PTPRD: variants seen among roughly 807,000 people sequenced by gnomAD.
The protein encoded by PTPRD is receptor-type tyrosine-protein phosphatase delta.
PTPRD carries 34 observed loss-of-function variants against 214.5 expected under a neutral mutation model. That is an observed-to-expected ratio of 0.16 (90% CI 0.12 to 0.21). The LOEUF is 0.21. Among genes scored for constraint, PTPRD ranks in the 10% least tolerant of loss-of-function variants. The pLI, the probability that PTPRD is intolerant of heterozygous loss-of-function variation, is 1.00. For missense variants in PTPRD, 2,545 were observed against 2,398.7 expected, an observed-to-expected ratio of 1.06 and a Z score of -1.27; for synonymous variants, 1,128 against 845.7, an observed-to-expected ratio of 1.33 and a Z score of -5.79.
chr9:8,530,833 T>TGCA (rs1326351070), intron 14 of PTPRD, among the ~76,000 whole-genome samples: 2 of 152,168 alleles, frequency 1.3e-5, no homozygotes, highest in African/African-American at 4.8e-5. Context: ...ACTGAACAGA[T>TGCA]GCAGTTATTG....
chr9:9,765,917 C>T (rs1481368956), intron 6 of PTPRD, among the ~76,000 whole-genome samples: 1 of 152,194 alleles, frequency 6.6e-6, no homozygotes, highest in Non-Finnish European at 1.5e-5. Context: ...CCGCCTCAGC[C>T]TCCCAAAGTG....
chr9:9,486,399 A>G (rs1359331813), intron 8 of PTPRD, among the ~76,000 whole-genome samples: 1 of 152,070 alleles, frequency 6.6e-6, no homozygotes, highest in Non-Finnish European at 1.5e-5. Context: ...ATGGACTTTA[A>G]CAAAAAAACA....
intron 11 of PTPRD, among the ~76,000 whole-genome samples, chr9:8,992,650 C>T (rs936093006): frequency 6.6e-6 from 1 of 152,160 alleles, no homozygotes; most frequent in African/African-American, 2.4e-5. Flanking sequence ...GAGTCTTGAA[C>T]AAACTGTGCT....
chr9:10,504,935 G>A (rs916186093), intron 2 of PTPRD, among the ~76,000 whole-genome samples: 3 of 152,144 alleles, frequency 2.0e-5, no homozygotes, highest in African/African-American at 7.2e-5. Flanking sequence ...CTATAAAGCT[G>A]ACTTGTAACA....
chr9:8,606,500 T>A (rs1228938557), intron 14 of PTPRD, among the ~76,000 whole-genome samples: 1 of 152,148 alleles, frequency 6.6e-6, no homozygotes, highest in Non-Finnish European at 1.5e-5. Context: ...CCATATGATG[T>A]ATAAAAGAGA....
intron 9 of PTPRD, among the ~76,000 whole-genome samples, chr9:9,242,268 G>T (rs1466810066): frequency 3.9e-5 from 6 of 152,094 alleles, no homozygotes; most frequent in Non-Finnish European, 8.8e-5. Context: ...CTCTCTGGCT[G>T]CCCTTAACAT....
chr9:9,805,454 A>G (rs566980215), intron 5 of PTPRD, among the ~76,000 whole-genome samples: 100 of 152,316 alleles, frequency 6.6e-4, no homozygotes, highest in African/African-American at 2.3e-3. Flanking sequence ...TTATTCCTAG[A>G]TCAACTCTGT....
chr9:10,158,211 G>A (rs538949082), intron 3 of PTPRD, among the ~76,000 whole-genome samples: 168 of 152,094 alleles, frequency 1.1e-3, no homozygotes, highest in Non-Finnish European at 2.1e-3. Context: ...GTTTCACCAT[G>A]TTGGCCAGGC....
At chr9:9,908,168 T>C (rs1270957682) in intron 5 of PTPRD, among the ~76,000 whole-genome samples, 1 of 151,828 alleles carries the variant, frequency 6.6e-6, no homozygotes, top group Non-Finnish European at 1.5e-5. Flanking sequence ...CCATGGAGAT[T>C]GAAAGAAGAT....
At chr9:8,659,925 TAGAGAG>T (rs148879043) in intron 12 of PTPRD, among the ~76,000 whole-genome samples, 6 of 150,592 alleles carry the variant, frequency 4.0e-5, no homozygotes, top group African/African-American at 1.2e-4. Flanking sequence ...AGAATAAATG[TAGAGAG>T]AGAGAGAGAG....
intron 10 of PTPRD, among the ~76,000 whole-genome samples, chr9:9,097,809 T>G (rs924822601): frequency 5.9e-5 from 9 of 152,026 alleles, no homozygotes; most frequent in African/African-American, 1.9e-4. Context: ...ACGAACTATT[T>G]TTCACGGATG....
intron 4 of PTPRD, among the ~76,000 whole-genome samples, chr9:9,962,580 T>A (rs2094438077): frequency 6.6e-6 from 1 of 152,092 alleles, no homozygotes; most frequent in Non-Finnish European, 1.5e-5. Flanking sequence ...CGTTGCCCTT[T>A]TTTTCTACAA....
intron 8 of PTPRD, among the ~76,000 whole-genome samples, chr9:9,533,210 G>A (rs927589162): frequency 6.6e-6 from 1 of 152,092 alleles, no homozygotes; most frequent in African/African-American, 2.4e-5. Flanking sequence ...ACAGTCCATA[G>A]ATATCAAACC....
chr9:10,397,131 G>A (rs2098185775), intron 2 of PTPRD, among the ~76,000 whole-genome samples: 1 of 151,854 alleles, frequency 6.6e-6, no homozygotes, highest in Non-Finnish European at 1.5e-5. Flanking sequence ...TATCTCTCTC[G>A]AAAAGGCAAC....
chr9:9,843,896 C>A (rs895303856), intron 5 of PTPRD, among the ~76,000 whole-genome samples: 5 of 151,910 alleles, frequency 3.3e-5, no homozygotes, highest in African/African-American at 1.2e-4. Context: ...TCGAATAGAC[C>A]ATGACAACAT....
At chr9:9,783,958 T>G (rs2098892063) in intron 5 of PTPRD, among the ~76,000 whole-genome samples, 2 of 151,968 alleles carry the variant, frequency 1.3e-5, no homozygotes, top group Admixed American at 1.3e-4. Context: ...GCAAATCCAT[T>G]AGTGATTTTA....
At chr9:9,125,464 C>T (rs968312490) in intron 10 of PTPRD, among the ~76,000 whole-genome samples, 4 of 152,166 alleles carry the variant, frequency 2.6e-5, no homozygotes, top group Non-Finnish European at 1.5e-5. Context: ...GCTTACCTCT[C>T]GGTTAGCATT....
intron 3 of PTPRD, among the ~76,000 whole-genome samples, chr9:10,133,650 AAAT>A (rs1329031487): frequency 6.6e-6 from 1 of 152,154 alleles, no homozygotes; most frequent in East Asian, 1.9e-4. Context: ...TAATAAAAGT[AAAT>A]AATATGTAAA....
chr9:9,646,326 T>C (rs995129491), intron 7 of PTPRD, among the ~76,000 whole-genome samples: 2 of 149,666 alleles, frequency 1.3e-5, no homozygotes, highest in Non-Finnish European at 3.0e-5. Context: ...TGGGTGTGTG[T>C]GTGTGTGTGT....
Sources: gnomAD v4.1 joint callset for allele counts (sites outside exome capture counted in the v4.1 genomes callset) on GRCh38, gnomAD v4.1.1 for gene constraint, MANE v1.5 for transcripts, NCBI Gene and HGNC (gene_info 2026-07-23, HGNC 2026-07-21) for gene names.